DAAM1: variants seen among roughly 807,000 people sequenced by gnomAD.
DAAM1 encodes disheveled-associated activator of morphogenesis 1.
In DAAM1, 52 loss-of-function variants were observed where a neutral mutation model predicts 130.0. The ratio of observed to expected loss-of-function variants is 0.40; its 90% CI spans 0.32 to 0.50. DAAM1 has a LOEUF of 0.50. DAAM1 is among the 20% of genes least tolerant of loss of function. The pLI, the probability that DAAM1 is intolerant of heterozygous loss-of-function variation, is 0.61. For synonymous variants in DAAM1, 452 were observed against 444.5 expected, an observed-to-expected ratio of 1.02 and a Z score of -0.21; for missense variants, 1,134 against 1,303.8, an observed-to-expected ratio of 0.87 and a Z score of 2.01.
intron 20 of DAAM1, among the ~76,000 whole-genome samples, chr14:59,357,639 G>A (rs375888254): frequency 3.3e-5 from 5 of 152,286 alleles, no homozygotes; most frequent in East Asian, 3.9e-4. Flanking sequence ...TTATCCAGGC[G>A]TGGTGTCATG....
chr14:59,287,002 A>G (rs1272619643), intron 2 of DAAM1, among the ~76,000 whole-genome samples: 1 of 152,178 alleles, frequency 6.6e-6, no homozygotes, highest in Non-Finnish European at 1.5e-5. Context: ...ATTCAGGCTA[A>G]TATCTCTGAT....
intron 3 of DAAM1, among the ~76,000 whole-genome samples, chr14:59,301,097 T>TG (rs202060226): frequency 1.5e-5 from 2 of 132,600 alleles, no homozygotes; most frequent in Non-Finnish European, 3.5e-5. Context: ...GGAAGGAAAC[T>TG]AATATCTCAT....
chr14:59,234,284 T>G (rs1351981951), intron 1 of DAAM1, among the ~76,000 whole-genome samples: 2 of 152,232 alleles, frequency 1.3e-5, no homozygotes, highest in East Asian at 3.8e-4. Flanking sequence ...TCCCTTTTGT[T>G]TGTGTCCTCT....
rs749204432 is a variant in DAAM1, at chr14:59,353,974, A to C, written c.2356+10A>C. On this transcript the variant is annotated intron_variant, in intron 19 of 24. Transcript: ENST00000360909. The stretch of plus-strand genomic sequence containing the variant: ...AAACCTAAAGTGGAAGGTAAAGTCA[A>C]GCTGTCTAGATTGGAAATGATGTTC... 6.2e-7 allele frequency: 1 copy of C among 1,612,618 alleles called. No individual in the cohort carries two copies. Among genetic ancestry groups the C allele is most frequent in the Non-Finnish European group, 8.5e-7 (1 of 1,178,958 alleles).
rs750439919 is a variant in DAAM1, at chr14:59,352,603, G to A, written c.2238G>A (p.Lys746=). 2 of 1,613,340 alleles carry A rather than the reference G, an allele frequency of 1.2e-6. No individual in the cohort carries two copies. Among genetic ancestry groups the A allele is most frequent in the Non-Finnish European group, 1.7e-6 (2 of 1,179,690 alleles). Residue 746 remains lysine, a synonymous_variant, in exon 18 of 25, where the codon AAG becomes AAA. Transcript: ENST00000360909. Reference sequence around the variant, plus strand: ...AACACGAACTGGATCGGATGGCCAAGGCTGATAGGTTCCTTTTTGAGATGA... The same window carrying A: ...AACACGAACTGGATCGGATGGCCAAAGCTGATAGGTTCCTTTTTGAGATGA... The part of the protein sequence containing the change: ...EHKHELDRMA[K]ADRFLFEMSR...
At chr14:59,301,700 A>C (rs996957775) in intron 3 of DAAM1, among the ~76,000 whole-genome samples, 2 of 152,168 alleles carry the variant, frequency 1.3e-5, no homozygotes, top group Non-Finnish European at 2.9e-5. Flanking sequence ...AAGCAACTTT[A>C]TCTCGAGCAT....
chr14:59,273,808 T>G (rs1036555003), intron 2 of DAAM1, among the ~76,000 whole-genome samples: 1 of 152,214 alleles, frequency 6.6e-6, no homozygotes, highest in African/African-American at 2.4e-5. Flanking sequence ...ATCTGGTAGT[T>G]TGTGCAATTA....
chr14:59,194,524 G>A (rs1887825602), intron 1 of DAAM1, among the ~76,000 whole-genome samples: 3 of 152,226 alleles, frequency 2.0e-5, no homozygotes, highest in Admixed American at 6.5e-5. Flanking sequence ...TCCCTCATCT[G>A]ATAAAAGATC....
intron 2 of DAAM1, among the ~76,000 whole-genome samples, chr14:59,289,619 C>T (rs1883626647): frequency 1.3e-5 from 2 of 151,630 alleles, no homozygotes; most frequent in South Asian, 4.2e-4. Context: ...CAACAAAATC[C>T]CACTATTGGG....
chr14:59,209,526 G>T (rs1888364628), intron 1 of DAAM1, among the ~76,000 whole-genome samples: 3 of 152,126 alleles, frequency 2.0e-5, no homozygotes, highest in Admixed American at 2.0e-4. Flanking sequence ...ATTGTACTTT[G>T]AATACCCATA....
At chr14:59,265,133 A>G (rs1025208718) in intron 2 of DAAM1, 7 of 152,228 alleles carry the variant, frequency 4.6e-5, no homozygotes, top group African/African-American at 1.7e-4. Flanking sequence ...CTTGGTTAAT[A>G]TCTGAACTGA....
intron 1 of DAAM1, among the ~76,000 whole-genome samples, chr14:59,249,101 G>T (rs1881523724): frequency 6.6e-6 from 1 of 152,134 alleles, no homozygotes; most frequent in Non-Finnish European, 1.5e-5. Flanking sequence ...CCTCAGTTTT[G>T]TACTTCTTCA....
intron 2 of DAAM1, among the ~76,000 whole-genome samples, chr14:59,271,692 G>C (rs1882715283): frequency 6.6e-6 from 1 of 152,084 alleles, no homozygotes; most frequent in Admixed American, 6.5e-5. Context: ...TCTTCTACCA[G>C]CCTTGTGAAT....
chr14:59,350,768 T>C (rs1394562032), intron 17 of DAAM1, among the ~76,000 whole-genome samples: 1 of 152,164 alleles, frequency 6.6e-6, no homozygotes, highest in Non-Finnish European at 1.5e-5. Context: ...CACGCAGGCC[T>C]CTCTGGCTGC....
chr14:59,230,111 G>C (rs778927909), intron 1 of DAAM1, among the ~76,000 whole-genome samples: 3 of 152,080 alleles, frequency 2.0e-5, no homozygotes, highest in Non-Finnish European at 4.4e-5. Context: ...CAACAGATCC[G>C]TCATTTCTCT....
intron 1 of DAAM1, among the ~76,000 whole-genome samples, chr14:59,236,446 C>A (rs912754544): frequency 1.3e-5 from 2 of 152,020 alleles, no homozygotes; most frequent in Non-Finnish European, 2.9e-5. Context: ...TTTGAGCATG[C>A]CTCACCTTTT....
rs906433975 is a variant in DAAM1, at chr14:59,339,978, G to T, written c.1969-96G>T. 2.2e-5 allele frequency: 22 copies of T among 1,006,894 alleles called. No individual in the cohort carries two copies. In the African/African-American group the frequency reaches 2.4e-4, roughly 11 times the overall value. The allele number at this position is 1,006,894 out of a possible 1,614,324, so 62.4% of individuals were successfully genotyped here. A position where few individuals can be genotyped will look rare whatever the true frequency, so the allele number is the denominator to read the frequency against. On this transcript the variant is annotated intron_variant, in intron 15 of 24. Transcript: ENST00000360909. Reference sequence around the variant, plus strand: ...CTTGCCCATGTGTATACGAGTGTGTGTATGTGTATATGAACAACAATGTAA... The same window carrying T: ...CTTGCCCATGTGTATACGAGTGTGTTTATGTGTATATGAACAACAATGTAA...
At chr14:59,219,030 G>A (rs185718336) in intron 1 of DAAM1, among the ~76,000 whole-genome samples, 1 of 152,310 alleles carries the variant, frequency 6.6e-6, no homozygotes, top group East Asian at 1.9e-4. Context: ...GCAGTTATTG[G>A]AAAGACCCTT....
chr14:59,326,465 A>T, intron 10 of DAAM1, 45 bp from the exon 11 acceptor site: 2 of 1,551,374 alleles, frequency 1.3e-6, no homozygotes, highest in South Asian at 1.3e-5. Flanking sequence ...ATCCTAGCTT[A>T]GAAACAACTT....
Sources: allele counts gnomAD v4.1 joint callset (sites outside exome capture counted in the v4.1 genomes callset), GRCh38; gene constraint gnomAD v4.1.1; transcripts MANE v1.5; gene names NCBI Gene and HGNC (gene_info 2026-07-23, HGNC 2026-07-21).